Variants in WIPI1 observed in about 807,000 individuals in gnomAD.
WIPI1 encodes WD repeat domain, phosphoinositide interacting 1.
In WIPI1, 45 loss-of-function variants were observed where a neutral mutation model predicts 55.3. The observed-to-expected ratio is 0.81, with a 90% CI of 0.64 to 1.04. The LOEUF is 1.04. Among genes scored for constraint, WIPI1 ranks in the 50% least tolerant of loss-of-function variants. WIPI1 has a pLI of 0.00. For missense variants in WIPI1, 445 were observed against 559.0 expected, an observed-to-expected ratio of 0.80 and a Z score of 2.06; for synonymous variants, 195 against 217.6, an observed-to-expected ratio of 0.90 and a Z score of 0.92.
chr17:68,424,661 A>C, intron 12 of WIPI1: 1 of 367,762 alleles, frequency 2.7e-6, no homozygotes, highest in South Asian at 2.0e-5. Context: ...GGATCACTTG[A>C]GGTCAGGAGT....
At chr17:68,429,088 C>T (rs1463437987) in intron 9 of WIPI1, 152 bp from the exon 10 acceptor site, 1 of 619,676 alleles carries the variant, frequency 1.6e-6, no homozygotes, top group African/African-American at 1.8e-5. Flanking sequence ...TCTGGCTATT[C>T]CTTTGCATTC....
In WIPI1 at chr17:68,444,603, G is replaced by C; in HGVS notation, c.334-14C>G. ...AACCAGCAGCCTCTGTAATCACACA[G>C]ACTTATCAGTCTACCGAACCGTTCC... On this transcript the variant is annotated splice_polypyrimidine_tract_variant and intron_variant, in intron 3 of 12. Transcript: ENST00000262139. 1 of 1,606,148 alleles carries C rather than the reference G, an allele frequency of 6.2e-7. No individual in the cohort carries two copies. Among genetic ancestry groups the C allele is most frequent in the Non-Finnish European group, 8.5e-7 (1 of 1,175,408 alleles).
In WIPI1 at chr17:68,430,079, C is replaced by T. The variant is rs199594949; in HGVS notation, c.882G>A (p.Val294=). ...CCCTGTCCTGATGCATCATGTCTGA[C>T]ACCTGGGTAGGGAGGTAGTTGGTAG... ...MAATNYLPTQ[V]SDMMHQDRAF... Residue 294 remains valine, a synonymous_variant, in exon 9 of 13, where the codon GTG becomes GTA. Coordinates refer to ENST00000262139, the MANE Select transcript of WIPI1 (RefSeq NM_017983.7). The T allele has an allele frequency of 1.1e-4, 182 of 1,614,070 alleles. No homozygotes were observed. The highest frequency in any genetic ancestry group is 1.5e-4 in the Non-Finnish European group (180 of 1,180,042).
At chr17:68,434,721 T>A in intron 6 of WIPI1, 95 bp from the exon 7 acceptor site, 1 of 1,286,328 alleles carries the variant, frequency 7.8e-7, no homozygotes, top group Non-Finnish European at 1.1e-6. Flanking sequence ...GTTTTGAACA[T>A]CTGTCTCTGA....
chr17:68,452,883 C>T, intron 2 of WIPI1, 27 bp downstream of exon 2: 2 of 1,606,260 alleles, frequency 1.2e-6, no homozygotes, highest in South Asian at 2.2e-5. Context: ...CCTGCAGATC[C>T]CTGAGGTCTC....
At chr17:68,449,211 T>C (rs1297836146) in intron 3 of WIPI1, among the ~76,000 whole-genome samples, 1 of 152,212 alleles carries the variant, frequency 6.6e-6, no homozygotes, top group Non-Finnish European at 1.5e-5. Context: ...ACATAAAGAA[T>C]CTCTTTGTTT....
rs753126011 is a variant in WIPI1, at chr17:68,433,523, C to T, written c.745G>A (p.Ala249Thr). 60 of 1,613,560 alleles carry T rather than the reference C, an allele frequency of 3.7e-5. 1 individual carries two copies. Among genetic ancestry groups the T allele is most frequent in the Admixed American group, 2.7e-4 (16 of 59,952 alleles). ...TGTACCGTCTCGGTGTTACTGGAGG[C>T]GCAGAGGAATTGTGAATCCATACTG... is the stretch of plus-strand genomic sequence containing the variant. Reference protein sequence around the residue: ...VFSMDSQFLCASSNTETVHIF... With the variant: ...VFSMDSQFLCTSSNTETVHIF... The change falls in exon 8 of 13, where the codon GCC (alanine) becomes ACC (threonine). Residue 249 changes from alanine (A) to threonine (T), a missense_variant. Physicochemically the swap from Ala to Thr is moderately conservative, Grantham distance 58. Coordinates refer to ENST00000262139, the MANE Select transcript of WIPI1 (RefSeq NM_017983.7).
In WIPI1 at chr17:68,433,598, G is replaced by T. The variant is rs2083622483; in HGVS notation, c.693-23C>A. ...TACCTACAAGCACAGCAACACATGG[G>T]TCAGTGAGCAAGAGAAATGGGAGTT... On this transcript the variant is annotated intron_variant, in intron 7 of 12. Transcript: ENST00000262139. 1.9e-6 allele frequency: 3 copies of T among 1,595,760 alleles called. No homozygotes were observed. The East Asian group carries it at 6.7e-5, about 36-fold the overall frequency.
At chr17:68,428,754 TGTC>T (rs2083368744) in intron 10 of WIPI1, 72 bp downstream of exon 10, 5 of 1,168,720 alleles carry the variant, frequency 4.3e-6, no homozygotes, top group Admixed American at 1.9e-5. Context: ...CACTGAAGCT[TGTC>T]GTTCTTGGCG....
intron 3 of WIPI1, 110 bp from the exon 4 acceptor site, chr17:68,444,699 G>A: frequency 1.2e-6 from 1 of 828,266 alleles, no homozygotes; most frequent in Admixed American, 3.1e-5. Context: ...TAAGCCTAAA[G>A]CAGAATTTTG....
Position 68,436,450 on chromosome 17 carries a change from T to C in WIPI1, c.460A>G (p.Asn154Asp), listed in dbSNP as rs374721420. 1 of 1,613,684 alleles carries C rather than the reference T, an allele frequency of 6.2e-7. No individual in the cohort carries two copies. Among genetic ancestry groups the C allele is most frequent in the Non-Finnish European group, 8.5e-7 (1 of 1,179,890 alleles). ...CTTCCAGGATAGGCCAGGTAAGAAT[T>C]GGAATGGTTGATAGAGAGAGCACAT... ...GLCALSINHSNSYLAYPGSLT... is the reference protein window; with the variant it reads ...GLCALSINHSDSYLAYPGSLT... Residue 154 changes from asparagine (N) to aspartate (D), a missense_variant, in exon 5 of 13, where the codon AAT becomes GAT. Transcript: ENST00000262139.
intron 5 of WIPI1, among the ~76,000 whole-genome samples, chr17:68,435,961 T>C (rs2083764519): frequency 6.6e-6 from 1 of 152,254 alleles, no homozygotes; most frequent in Admixed American, 6.5e-5. Context: ...GAGCACCTGA[T>C]GCAGTGTGAT....
At chr17:68,433,786 T>G (rs985298924) in intron 7 of WIPI1, among the ~76,000 whole-genome samples, 665 of 65,560 alleles carry the variant, frequency 0.01, 39 homozygotes, top group Non-Finnish European at 0.015. Flanking sequence ...TTTTTTTTTT[T>G]TTTTTTTTTT....
chr17:68,437,865 A>G (rs1400300707), intron 4 of WIPI1, among the ~76,000 whole-genome samples: 1 of 149,282 alleles, frequency 6.7e-6, no homozygotes, highest in Non-Finnish European at 1.5e-5. Flanking sequence ...AGAGGTGCAC[A>G]TGATAGCAGT....
At chr17:68,430,961 G>A (rs189322625) in intron 8 of WIPI1, among the ~76,000 whole-genome samples, 9 of 152,240 alleles carry the variant, frequency 5.9e-5, no homozygotes, top group Admixed American at 5.9e-4. Context: ...AATGGGCTAG[G>A]GGGTCTTTGG....
chr17:68,431,782 GA>G (rs1555800113), intron 8 of WIPI1, among the ~76,000 whole-genome samples: 5 of 152,204 alleles, frequency 3.3e-5, no homozygotes, highest in South Asian at 2.1e-4. Flanking sequence ...GTTGAGCGGA[GA>G]ACCCAGAACA....
intron 12 of WIPI1, chr17:68,424,563 T>C (rs1221690452): frequency 1.9e-6 from 1 of 523,982 alleles, no homozygotes; most frequent in Non-Finnish European, 3.9e-6. Context: ...TAGGAGCTGA[T>C]GCTCCAAGTC....
At chr17:68,437,171 T>C (rs1188750258) in intron 4 of WIPI1, among the ~76,000 whole-genome samples, 1 of 152,116 alleles carries the variant, frequency 6.6e-6, no homozygotes, top group Non-Finnish European at 1.5e-5. Context: ...GAAAAGTCAG[T>C]ACATATTGGT....
intron 3 of WIPI1, among the ~76,000 whole-genome samples, chr17:68,445,437 A>C (rs929531352): frequency 1.3e-5 from 2 of 152,180 alleles, no homozygotes; most frequent in Admixed American, 6.5e-5. Flanking sequence ...ATTTCTACTC[A>C]GACTCTCCTC....
Sources: gnomAD v4.1 joint callset for allele counts (sites outside exome capture counted in the v4.1 genomes callset) on GRCh38, gnomAD v4.1.1 for gene constraint, MANE v1.5 for transcripts, NCBI Gene and HGNC (gene_info 2026-07-23, HGNC 2026-07-21) for gene names.